PPM1H: variants seen among roughly 807,000 people sequenced by gnomAD.
PPM1H encodes protein phosphatase 1H.
Under a neutral mutation model 54.9 loss-of-function variants are expected in PPM1H, and 27 were observed. The observed-to-expected ratio is 0.49, with a 90% CI of 0.36 to 0.68. The LOEUF is 0.68. Ranked by LOEUF, PPM1H falls within the 30% of genes least tolerant of loss-of-function variation. The pLI, the probability that PPM1H is intolerant of heterozygous loss-of-function variation, is 0.00. For synonymous variants in PPM1H, 305 were observed against 270.8 expected, an observed-to-expected ratio of 1.13 and a Z score of -1.24; for missense variants, 596 against 667.8, an observed-to-expected ratio of 0.89 and a Z score of 1.19.
chr12:62,667,341 CAAG>C lies in PPM1H; in HGVS notation c.1246-15_1246-13del. On this transcript the variant is annotated splice_polypyrimidine_tract_variant and intron_variant, in intron 8 of 9. Coordinates refer to ENST00000228705, the MANE Select transcript of PPM1H (RefSeq NM_020700.2). ...TCGTAGATTCTTACCTGAAAAAAAACAAGAATACTACCACTTAAGAAATTGGAA... is the reference window on the plus strand; with the variant it reads ...TCGTAGATTCTTACCTGAAAAAAAACAATACTACCACTTAAGAAATTGGAA... The C allele has an allele frequency of 6.4e-7, 1 of 1,552,214 alleles. No homozygotes were observed. Among genetic ancestry groups the C allele is most frequent in the Non-Finnish European group, 8.7e-7 (1 of 1,143,102 alleles).
intron 6 of PPM1H, among the ~76,000 whole-genome samples, chr12:62,700,681 T>G (rs759322794): frequency 6.6e-6 from 1 of 152,178 alleles, no homozygotes; most frequent in African/African-American, 2.4e-5. Context: ...CAAGAGGCGA[T>G]GGTGCTAGGA....
intron 2 of PPM1H, among the ~76,000 whole-genome samples, chr12:62,814,106 G>A (rs918858613): frequency 6.6e-6 from 1 of 151,964 alleles, no homozygotes; most frequent in Non-Finnish European, 1.5e-5. Context: ...AAGAGACAAG[G>A]TCTTGCTCTG....
At position 62,729,641 on chromosome 12, in the gene PPM1H, A is replaced by G. The variant is rs372675185; in HGVS notation, c.954+7861T>C. ...CCCATCATCAGCACCCCATCCAATC[A>G]CTGTCACTGCCCCAAAGGGGCACTA... is the stretch of plus-strand genomic sequence containing the variant. On this transcript the variant is annotated intron_variant, in intron 5 of 9. Transcript: ENST00000228705. Among the ~76,000 whole-genome samples the G allele has an allele frequency of 3.3e-5, 5 of 152,096 alleles. No homozygotes were observed. The East Asian group carries it at 9.7e-4, about 29-fold the overall frequency.
chr12:62,930,977 G>A (rs536614405), intron 1 of PPM1H, among the ~76,000 whole-genome samples: 22 of 152,258 alleles, frequency 1.4e-4, no homozygotes, highest in Non-Finnish European at 2.8e-4. Flanking sequence ...TGAAATGAAC[G>A]AAAATCTTCA....
In PPM1H at chr12:62,832,258, G is replaced by A; in HGVS notation, c.267C>T (p.Ser89=). The change falls in exon 2 of 10, where the codon AGC becomes AGT. Residue 89 remains serine (S), a synonymous_variant. Coordinates refer to ENST00000228705, the MANE Select transcript of PPM1H (RefSeq NM_020700.2). The part of the protein sequence containing the change: ...GYAEVINAGK[S]THNEDQASCE... Reference sequence around the variant, plus strand: ...AGCTGGCTTGGTCTTCATTGTGTGTGCTCTTCCCGGCATTGATAACCCTGG... The same window carrying A: ...AGCTGGCTTGGTCTTCATTGTGTGTACTCTTCCCGGCATTGATAACCCTGG... 6.2e-7 allele frequency: 1 copy of A among 1,612,552 alleles called. No individual in the cohort carries two copies. The highest frequency in any genetic ancestry group is 2.2e-5 in the East Asian group (1 of 44,842).
At chr12:62,754,359 A>T (rs1200609102) in intron 4 of PPM1H, among the ~76,000 whole-genome samples, 3 of 152,190 alleles carry the variant, frequency 2.0e-5, no homozygotes, top group African/African-American at 7.2e-5. Flanking sequence ...TGAGTGCAGG[A>T]GTTCATGACC....
chr12:62,849,370 A>AAG (rs1274722208), intron 1 of PPM1H, among the ~76,000 whole-genome samples: 1 of 152,210 alleles, frequency 6.6e-6, no homozygotes, highest in Non-Finnish European at 1.5e-5. Flanking sequence ...ATAGATAGGG[A>AAG]AGGTATTATC....
intron 3 of PPM1H, among the ~76,000 whole-genome samples, chr12:62,789,111 G>A (rs978840924): frequency 6.6e-6 from 1 of 152,138 alleles, no homozygotes; most frequent in African/African-American, 2.4e-5. Flanking sequence ...GACCTCCTGG[G>A]CTCAAGCCTC....
At chr12:62,816,168 G>A (rs1316121887) in intron 2 of PPM1H, among the ~76,000 whole-genome samples, 1 of 152,058 alleles carries the variant, frequency 6.6e-6, no homozygotes, top group Non-Finnish European at 1.5e-5. Flanking sequence ...GGATACAGAG[G>A]CAGCATGGTG....
intron 8 of PPM1H, among the ~76,000 whole-genome samples, chr12:62,676,290 C>A (rs1592537232): frequency 6.6e-6 from 1 of 152,210 alleles, no homozygotes; most frequent in Non-Finnish European, 1.5e-5. Context: ...TGAAGAACAG[C>A]TTATTGATGG....
chr12:62,815,641 C>T (rs1592613408), intron 2 of PPM1H, among the ~76,000 whole-genome samples: 1 of 152,170 alleles, frequency 6.6e-6, no homozygotes, highest in African/African-American at 2.4e-5. Context: ...ATTTATTGAG[C>T]ACCTACCCCA....
At chr12:62,933,857 T>G (rs577418564) in intron 1 of PPM1H, 2 of 152,236 alleles carry the variant, frequency 1.3e-5, no homozygotes, top group African/African-American at 4.8e-5. Flanking sequence ...TTGGAATAAG[T>G]TTCCCCCTCC....
At chr12:62,913,942 C>T (rs1186687485) in intron 1 of PPM1H, among the ~76,000 whole-genome samples, 4 of 152,118 alleles carry the variant, frequency 2.6e-5, no homozygotes, top group Middle Eastern at 3.2e-3. Flanking sequence ...TCAAGTGACC[C>T]GCTGGCCTCA....
At chr12:62,701,221 T>G (rs2076142092) in intron 6 of PPM1H, among the ~76,000 whole-genome samples, 1 of 152,232 alleles carries the variant, frequency 6.6e-6, no homozygotes, top group Admixed American at 6.5e-5. Flanking sequence ...TTCGGCTGCT[T>G]TCTATGTCTG....
chr12:62,934,608 C>T lies in PPM1H; in HGVS notation c.129G>A (p.Arg43=). The T allele has an allele frequency of 1.3e-6, 2 of 1,579,290 alleles. No homozygotes were observed. Among genetic ancestry groups the T allele is most frequent in the Non-Finnish European group, 1.7e-6 (2 of 1,163,644 alleles). Residue 43 remains arginine, a synonymous_variant, in exon 1 of 10, where the codon CGG becomes CGA. Transcript: ENST00000228705. This position sits in a 1 kb window ranked among gnomAD's most constrained non-coding sequence, Gnocchi z 4.2. ...CCTGAGACAGCCCCAGGAACTCTGG[C>T]CGCCCGTAGGGGAAACGCAGGGGCA... ...SDLPLRFPYG[R]PEFLGLSQDE...
chr12:62,864,432 C>G (rs1264184602), intron 1 of PPM1H, among the ~76,000 whole-genome samples: 2 of 152,152 alleles, frequency 1.3e-5, no homozygotes, highest in Non-Finnish European at 2.9e-5. Context: ...CTCATGCCAC[C>G]AGAATTTGTG....
At chr12:62,832,323 C>T (rs1370793966) in intron 1 of PPM1H, 44 bp from the exon 2 acceptor site, 1 of 1,555,784 alleles carries the variant, frequency 6.4e-7, no homozygotes, top group Admixed American at 1.9e-5. Flanking sequence ...ACCGATAAAG[C>T]TGAGGGCACA....
chr12:62,839,530 T>G (rs556684189), intron 1 of PPM1H, among the ~76,000 whole-genome samples: 82 of 152,262 alleles, frequency 5.4e-4, no homozygotes, highest in African/African-American at 1.9e-3. Context: ...TCCCGCGAGA[T>G]AGGACATGTC....
chr12:62,768,448 C>G (rs1341116153), intron 4 of PPM1H, among the ~76,000 whole-genome samples: 3 of 152,056 alleles, frequency 2.0e-5, no homozygotes, highest in Non-Finnish European at 4.4e-5. Context: ...GAGGTCAGGA[C>G]TTCGAGACCA....
Sources: allele counts gnomAD v4.1 joint callset (sites outside exome capture counted in the v4.1 genomes callset), GRCh38; gene constraint gnomAD v4.1.1; non-coding constraint Gnocchi (gnomAD v3.1); transcripts MANE v1.5; gene names NCBI Gene and HGNC (gene_info 2026-07-23, HGNC 2026-07-21).